The following PDLIM7 variants were observed in gnomAD, a reference collection of about 807,000 sequenced individuals.
PDLIM7 encodes the protein PDZ and LIM domain protein 7.
A neutral mutation model predicts 53.9 loss-of-function variants in PDLIM7; 37 were observed. The observed-to-expected ratio is 0.69, with a 90% CI of 0.53 to 0.90. The LOEUF (loss-of-function observed/expected upper bound fraction) is 0.90, where lower values mean the gene tolerates loss of function less well. Ranked by LOEUF, PDLIM7 falls within the 40% of genes least tolerant of loss-of-function variation. The pLI is 0.00. For missense variants in PDLIM7, 617 were observed against 638.5 expected, an observed-to-expected ratio of 0.97 and a Z score of 0.36; for synonymous variants, 300 against 261.3, an observed-to-expected ratio of 1.15 and a Z score of -1.43.
At chr5:177,497,034 GGGGAGGGGA>G (rs1759122859) in intron 1 of PDLIM7, among the ~76,000 whole-genome samples, 2 of 143,350 alleles carry the variant, frequency 1.4e-5, no homozygotes, top group African/African-American at 2.5e-5. Context: ...GGGGAGGGGA[GGGGAGGGGA>G]GGGAGGCGGC....
At position 177,484,234 on chromosome 5, in the gene PDLIM7, G is replaced by C. The variant is rs752189193; in HGVS notation, c.1051-44C>G. ...CACTCGGCAGGCTCAGGCCCCTCCT[G>C]CCCTGCCCTGGGTCACGGGAACACA... On this transcript the variant is annotated intron_variant, in intron 10 of 12. Coordinates refer to ENST00000355841, the MANE Select transcript of PDLIM7 (RefSeq NM_005451.5). 2.2e-5 allele frequency: 35 copies of C among 1,604,510 alleles called. No homozygotes were observed. In the Admixed American group the frequency reaches 5.9e-4, roughly 27 times the overall value.
intron 2 of PDLIM7, among the ~76,000 whole-genome samples, chr5:177,495,757 C>A (rs903306525): frequency 3.3e-5 from 5 of 152,130 alleles, no homozygotes; most frequent in African/African-American, 9.7e-5. Context: ...CCAGGGCAGG[C>A]TCTTGGAAGC....
intron 7 of PDLIM7, chr5:177,490,245 G>A: frequency 1.4e-6 from 2 of 1,448,584 alleles, no homozygotes; most frequent in South Asian, 1.4e-5. Context: ...GGCAGAGCAA[G>A]CAGGGCTGAG....
At chr5:177,490,119 C>A in intron 7 of PDLIM7, 3 of 1,509,334 alleles carry the variant, frequency 2.0e-6, no homozygotes, top group Non-Finnish European at 2.7e-6. Flanking sequence ...CAGGGCAGGG[C>A]CCCTTTGCCA....
chr5:177,494,413 A>T (rs1422361128), intron 2 of PDLIM7, among the ~76,000 whole-genome samples: 1 of 152,156 alleles, frequency 6.6e-6, no homozygotes, highest in Admixed American at 6.5e-5. Flanking sequence ...GACACCCCAG[A>T]GGGGAAGTGA....
intron 10 of PDLIM7, 92 bp downstream of exon 10, chr5:177,487,976 C>G: frequency 7.6e-7 from 1 of 1,319,782 alleles, no homozygotes; most frequent in South Asian, 1.4e-5. Context: ...GGAGGGCTCA[C>G]TCGGGGAGAG....
intron 2 of PDLIM7, among the ~76,000 whole-genome samples, chr5:177,493,937 C>CA (rs1187045196): frequency 4.6e-5 from 7 of 151,980 alleles, no homozygotes; most frequent in African/African-American, 1.7e-4. Context: ...AGAGAGATGT[C>CA]AGAGGGCAGG....
chr5:177,490,760 A>AG (rs1758724588), intron 7 of PDLIM7, 110 bp downstream of exon 7: 24 of 631,180 alleles, frequency 3.8e-5, no homozygotes, highest in South Asian at 1.4e-4. Context: ...GAAGGAAGGA[A>AG]GGAAGGGAGA....
intron 8 of PDLIM7, 62 bp downstream of exon 8, chr5:177,489,709 A>T (rs1014027591): frequency 2.6e-5 from 39 of 1,483,610 alleles, no homozygotes; most frequent in Non-Finnish European, 3.1e-5. Flanking sequence ...AGAGAAGCCC[A>T]CCACCCCCAT....
At chr5:177,489,988 A>C (rs1758664640) in intron 7 of PDLIM7, 156 bp from the exon 8 acceptor site, 2 of 1,535,324 alleles carry the variant, frequency 1.3e-6, no homozygotes, top group Non-Finnish European at 1.7e-6. Context: ...TGGGAAGGGC[A>C]GCTTCTCCTA....
In PDLIM7 at chr5:177,491,106, G is replaced by A. The variant is rs138759499; in HGVS notation, c.439C>T (p.Arg147Trp). The change falls in exon 6 of 13, where the codon CGG becomes TGG. Residue 147 changes from arginine to tryptophan, a missense_variant. Arg to Trp is a moderately radical substitution (Grantham distance 101). Coordinates refer to ENST00000355841, the MANE Select transcript of PDLIM7 (RefSeq NM_005451.5). ...CAGTCCTCTGTGTTCTCCATCAGCCGCTGCTTGCTGGCATCTGGGACCAGC... is the reference window on the plus strand; with the variant it reads ...CAGTCCTCTGTGTTCTCCATCAGCCACTGCTTGCTGGCATCTGGGACCAGC... ...RPLVPDASKQRLMENTEDWRP... is the reference protein window; with the variant it reads ...RPLVPDASKQWLMENTEDWRP... 407 of 1,611,848 alleles carry A rather than the reference G, an allele frequency of 2.5e-4. 2 individuals are homozygous for A. The highest frequency in any genetic ancestry group is 6.3e-5 in the Non-Finnish European group (74 of 1,179,208).
intron 10 of PDLIM7, chr5:177,484,445 C>A: frequency 2.1e-6 from 1 of 473,238 alleles, no homozygotes; most frequent in East Asian, 3.9e-5. Context: ...ACAGCCATCC[C>A]CATCACGCGG....
intron 10 of PDLIM7, chr5:177,484,438 G>A (rs921955142): frequency 1.1e-4 from 53 of 492,932 alleles, no homozygotes; most frequent in Non-Finnish European, 1.7e-4. Flanking sequence ...TCCTCCCACA[G>A]CCATCCCCAT....
Position 177,492,609 on chromosome 5 carries a change from G to A in PDLIM7, c.165C>T (p.Gly55=), listed in dbSNP as rs139641229. The change falls in exon 3 of 13, where the codon GGC becomes GGT. Residue 55 remains glycine (G), a synonymous_variant. Coordinates refer to ENST00000355841, the MANE Select transcript of PDLIM7 (RefSeq NM_005451.5). ...AVGDWVLSID[G]ENAGSLTHIE... The stretch of plus-strand genomic sequence containing the variant: ...TGTGTGTGAGGCTACCCGCATTCTC[G>A]CCATCGATGCTCAGCACCCAGTCAC... 1.9e-4 allele frequency: 314 copies of A among 1,612,244 alleles called. No individual in the cohort carries two copies. Among genetic ancestry groups the A allele is most frequent in the Non-Finnish European group, 2.5e-4 (297 of 1,179,982 alleles).
At chr5:177,484,448 T>G in intron 10 of PDLIM7, 1 of 461,150 alleles carries the variant, frequency 2.2e-6, no homozygotes, top group Non-Finnish European at 4.0e-6. Flanking sequence ...GCCATCCCCA[T>G]CACGCGGATG....
chr5:177,483,532 G>C lies in PDLIM7; in HGVS notation c.*112C>G. ...CAGGGCCCAGGGAGCCCCAGGCTCG[G>C]GCCAGGAGCCAGGGTTAAGGCAACC... On this transcript the variant is annotated 3_prime_UTR_variant, in exon 13 of 13. Transcript: ENST00000355841. The C allele has an allele frequency of 1.3e-6, 1 of 753,930 alleles. No homozygotes were observed. The highest frequency in any genetic ancestry group is 2.2e-6 in the Non-Finnish European group (1 of 457,762). 46.7% of individuals were successfully genotyped at this position (753,930 alleles called of 1,614,324 possible).
intron 10 of PDLIM7, 33 bp downstream of exon 10, chr5:177,488,035 G>T (rs752096567): frequency 1.9e-6 from 3 of 1,551,408 alleles, no homozygotes; most frequent in Non-Finnish European, 8.7e-7. Context: ...TGACAGGCTT[G>T]GGACCACCTC....
chr5:177,492,199 C>A (rs901924697), intron 4 of PDLIM7: 2 of 660,454 alleles, frequency 3.0e-6, no homozygotes, highest in Non-Finnish European at 5.1e-6. Flanking sequence ...GACAGACAGG[C>A]GGACAGACAG....
rs182768727 is a variant in PDLIM7, at chr5:177,487,770, G to A, written c.1050+298C>T. 163 of 284,360 alleles carry A rather than the reference G, an allele frequency of 5.7e-4. 1 individual carries two copies. In the East Asian group the frequency reaches 7.7e-3, roughly 13 times the overall value. 17.6% of individuals were successfully genotyped at this position (284,360 alleles called of 1,614,324 possible). A position where few individuals can be genotyped will look rare whatever the true frequency, so the allele number is the denominator to read the frequency against. ...GCAGCTTCAGCGTGTCAAGTTGGCCGTTCTGTCATTTCACCAGGGCAGGGA... is the reference window on the plus strand; with the variant it reads ...GCAGCTTCAGCGTGTCAAGTTGGCCATTCTGTCATTTCACCAGGGCAGGGA... On this transcript the variant is annotated intron_variant, in intron 10 of 12. Coordinates refer to ENST00000355841, the MANE Select transcript of PDLIM7 (RefSeq NM_005451.5).
Sources: gnomAD v4.1 joint callset for allele counts (sites outside exome capture counted in the v4.1 genomes callset) on GRCh38, gnomAD v4.1.1 for gene constraint, MANE v1.5 for transcripts, NCBI Gene and HGNC (gene_info 2026-07-23, HGNC 2026-07-21) for gene names.